Variants in RAPGEF5 observed in about 807,000 individuals in gnomAD.
RAPGEF5 encodes the protein M-Ras-regulated GEF.
RAPGEF5 carries 65 observed loss-of-function variants against 125.2 expected under a neutral mutation model. That is an observed-to-expected ratio of 0.52 (90% confidence interval 0.43 to 0.64). The LOEUF is 0.64. Among genes scored for constraint, RAPGEF5 ranks in the 30% least tolerant of loss-of-function variants. RAPGEF5 has a pLI of 0.00. For missense variants in RAPGEF5, 958 were observed against 1,048.1 expected, an observed-to-expected ratio of 0.91 and a Z score of 1.19; for synonymous variants, 391 against 385.9, an observed-to-expected ratio of 1.01 and a Z score of -0.16.
At chr7:22,288,961 G>A (rs1242060173) in intron 6 of RAPGEF5, among the ~76,000 whole-genome samples, 1 of 152,052 alleles carries the variant, frequency 6.6e-6, no homozygotes, top group Admixed American at 6.5e-5. Flanking sequence ...AACTTGGTGG[G>A]TCTACTTACA....
In RAPGEF5 at chr7:22,193,311, C is replaced by T. The variant is rs540444420; in HGVS notation, c.1204+56G>A. On this transcript the variant is annotated intron_variant, in intron 11 of 25. Transcript: ENST00000665637. ...AGTGGGAACCTTGCCCCTGAGGGTACTGACAAGGGCATCAGCTGCTATCAG... is the reference window on the plus strand; with the variant it reads ...AGTGGGAACCTTGCCCCTGAGGGTATTGACAAGGGCATCAGCTGCTATCAG... 8 of 1,528,270 alleles carry T rather than the reference C, an allele frequency of 5.2e-6. No individual in the cohort carries two copies. In the East Asian group the frequency reaches 2.0e-4, roughly 37 times the overall value. The allele number at this position is 1,528,270 out of a possible 1,614,324, so 94.7% of individuals were successfully genotyped here.
rs555855014 is a variant in RAPGEF5, at chr7:22,204,899, G to A, written c.997-10866C>T. On this transcript the variant is annotated intron_variant, in intron 9 of 25. Coordinates refer to ENST00000665637, the MANE Select transcript of RAPGEF5 (RefSeq NM_012294.5). ...AAACCAGAAGGTAAAAAGGAAGAGC[G>A]AAGGTTAAAATAAGACAAAGATGAA... 1.4e-4 allele frequency among the ~76,000 whole-genome samples: 22 copies of A among 152,202 alleles called. 1 individual carries two copies. The highest frequency in any genetic ancestry group is 2.2e-4 in the Non-Finnish European group (15 of 68,038).
chr7:22,246,469 C>G (rs1481066274), intron 7 of RAPGEF5, among the ~76,000 whole-genome samples: 1 of 152,062 alleles, frequency 6.6e-6, no homozygotes, highest in Non-Finnish European at 1.5e-5. Context: ...CAAAAATAAG[C>G]AATGGGGAAA....
In RAPGEF5 at chr7:22,213,099, G is replaced by A. The variant is rs1054709252; in HGVS notation, c.996+6767C>T. ...GCCTTTTAAAATAAACTTGAGCACC[G>A]TCAAAAAATAGCATAATGACAAATT... On this transcript the variant is annotated intron_variant, in intron 9 of 25. Coordinates refer to ENST00000665637, the MANE Select transcript of RAPGEF5 (RefSeq NM_012294.5). 4.6e-5 allele frequency among the ~76,000 whole-genome samples: 7 copies of A among 152,202 alleles called. No homozygotes were observed. In the South Asian group the frequency reaches 6.2e-4, roughly 14 times the overall value.
chr7:22,155,654 A>G (rs984243224), intron 16 of RAPGEF5, among the ~76,000 whole-genome samples: 1 of 152,220 alleles, frequency 6.6e-6, no homozygotes, highest in Non-Finnish European at 1.5e-5. Context: ...GACACTTGAC[A>G]TATTTGGTTT....
intron 7 of RAPGEF5, among the ~76,000 whole-genome samples, chr7:22,231,752 CT>C (rs1300490737): frequency 1.3e-5 from 2 of 152,156 alleles, no homozygotes; most frequent in African/African-American, 4.8e-5. Context: ...ACTTATTCTT[CT>C]GTTTTAACAA....
At chr7:22,138,445 T>C (rs1031159725) in intron 21 of RAPGEF5, among the ~76,000 whole-genome samples, 1 of 152,246 alleles carries the variant, frequency 6.6e-6, no homozygotes. Flanking sequence ...CTGATCTGTT[T>C]CTTTTCCTGT....
At chr7:22,140,557 T>C (rs999957008) in intron 20 of RAPGEF5, among the ~76,000 whole-genome samples, 8 of 152,292 alleles carry the variant, frequency 5.3e-5, no homozygotes, top group Admixed American at 5.2e-4. Context: ...CCCATTACAT[T>C]TAGGCACATT....
chr7:22,351,126 T>C (rs924584247), intron 1 of RAPGEF5, among the ~76,000 whole-genome samples: 1 of 152,226 alleles, frequency 6.6e-6, no homozygotes, highest in Non-Finnish European at 1.5e-5. Flanking sequence ...GATGCTGTTT[T>C]GTTTTGTATT....
Position 22,168,961 on chromosome 7 carries a change from AATTTTCTTAT to A in RAPGEF5, c.1205-1823_1205-1814del, listed in dbSNP as rs1178786968. 6.6e-5 allele frequency among the ~76,000 whole-genome samples: 10 copies of A among 152,346 alleles called. No homozygotes were observed. In the East Asian group the frequency reaches 9.6e-4, roughly 15 times the overall value. ...CCCTGTCAAAATAATAAATTCGACA[AATTTTCTTAT>A]TTGATTTAAAACATGTTTTTAAAAG... On this transcript the variant is annotated intron_variant, in intron 11 of 25. Transcript: ENST00000665637.
chr7:22,230,855 T>G lies in RAPGEF5; in HGVS notation c.861A>C (p.Pro287=). 1 of 1,566,610 alleles carries G rather than the reference T, an allele frequency of 6.4e-7. No individual in the cohort carries two copies. ...ACAGAATTGATCATACCTGAGAATCTGGAACACTTTCGGCTTCTGTTACAG... is the reference window on the plus strand; with the variant it reads ...ACAGAATTGATCATACCTGAGAATCGGGAACACTTTCGGCTTCTGTTACAG... ...HVAVTEAESV[P]DSQAGVMCKL... The change falls in exon 8 of 26, where the codon CCA becomes CCC. Residue 287 remains proline (P), a synonymous_variant. Transcript: ENST00000665637.
chr7:22,174,332 A>G (rs1316088669), intron 11 of RAPGEF5, among the ~76,000 whole-genome samples: 1 of 152,188 alleles, frequency 6.6e-6, no homozygotes, highest in Non-Finnish European at 1.5e-5. Context: ...CTGAGTCACA[A>G]ACCTGTGGTC....
At chr7:22,307,005 T>C (rs1783357854) in intron 5 of RAPGEF5, among the ~76,000 whole-genome samples, 1 of 152,194 alleles carries the variant, frequency 6.6e-6, no homozygotes, top group South Asian at 2.1e-4. Context: ...AGTTTTGCTG[T>C]TTTTGCTTAG....
At position 22,120,635 on chromosome 7, in the gene RAPGEF5, G is replaced by C. The variant is rs1439885032; in HGVS notation, c.*1771C>G. 6.6e-6 allele frequency: 1 copy of C among 152,604 alleles called. No individual in the cohort carries two copies. Among genetic ancestry groups the C allele is most frequent in the Non-Finnish European group, 1.5e-5 (1 of 68,084 alleles). The allele number at this position is 152,604 out of a possible 1,614,324, so 9.5% of individuals were successfully genotyped here. On this transcript the variant is annotated 3_prime_UTR_variant, in exon 26 of 26. Transcript: ENST00000665637. This position sits in a 1 kb window ranked among gnomAD's most constrained non-coding sequence, Gnocchi z 4.0. ...TCTGCTCTCCGGTTCTCACGGCTCTGGTGTCCTGTGGGCCACATTCCATGA... is the reference window on the plus strand; with the variant it reads ...TCTGCTCTCCGGTTCTCACGGCTCTCGTGTCCTGTGGGCCACATTCCATGA...
intron 23 of RAPGEF5, among the ~76,000 whole-genome samples, chr7:22,133,447 G>A (rs754735510): frequency 3.3e-5 from 5 of 152,188 alleles, no homozygotes; most frequent in Non-Finnish European, 7.3e-5. Flanking sequence ...TTTGGGGTAT[G>A]AGAAATGAGC....
At chr7:22,212,600 G>C (rs1785537078) in intron 9 of RAPGEF5, among the ~76,000 whole-genome samples, 1 of 152,066 alleles carries the variant, frequency 6.6e-6, no homozygotes, top group Non-Finnish European at 1.5e-5. Context: ...TCCAAACCTT[G>C]GAAGTACACA....
chr7:22,184,236 G>A (rs1451295795), intron 11 of RAPGEF5, among the ~76,000 whole-genome samples: 1 of 152,074 alleles, frequency 6.6e-6, no homozygotes, highest in African/African-American at 2.4e-5. Context: ...TCTAACAGTG[G>A]ACACAGAATA....
At chr7:22,246,145 T>C (rs559128382) in intron 7 of RAPGEF5, among the ~76,000 whole-genome samples, 5 of 152,160 alleles carry the variant, frequency 3.3e-5, no homozygotes, top group African/African-American at 4.8e-5. Flanking sequence ...AAAATGGCCA[T>C]ACTGCCCAAA....
intron 9 of RAPGEF5, chr7:22,202,834 T>C: frequency 4.4e-6 from 1 of 226,548 alleles, no homozygotes; most frequent in East Asian, 1.3e-4. Flanking sequence ...TCTCTGAGCA[T>C]CAGCTTTCTT....
Sources: allele counts gnomAD v4.1 joint callset (sites outside exome capture counted in the v4.1 genomes callset), GRCh38; gene constraint gnomAD v4.1.1; non-coding constraint Gnocchi (gnomAD v3.1); transcripts MANE v1.5; gene names NCBI Gene and HGNC (gene_info 2026-07-23, HGNC 2026-07-21).